The following ADAM29 variants were observed in gnomAD, a reference collection of about 807,000 sequenced individuals.
The protein encoded by ADAM29 is disintegrin and metalloproteinase domain-containing protein 29.
For synonymous variants in ADAM29, 367 were observed against 342.3 expected (o/e 1.07, Z -0.80); for missense variants, 969 against 1,001.8 (o/e 0.97, Z 0.44).
In ADAM29 at chr4:174,975,973, T is replaced by C; in HGVS notation, c.448T>C (p.Tyr150His). ...TTCTACCACGTTTGAACATCTGGTA[T>C]ACAAGATGGACAGTGAGGAGAAACA... ...AFSTTFEHLV[Y>H]KMDSEEKQFS... is the part of the protein sequence containing the mutation. The change falls in exon 5 of 5, where the codon TAC becomes CAC. Residue 150 changes from tyrosine (Y) to histidine (H), a missense_variant. By Grantham distance (83) the Tyr-to-His change is moderately conservative. Transcript: ENST00000359240. 1.2e-6 allele frequency: 2 copies of C among 1,614,158 alleles called. No individual in the cohort carries two copies. The highest frequency in any genetic ancestry group is 2.2e-5 in the South Asian group (2 of 91,070).
intron 4 of ADAM29, among the ~76,000 whole-genome samples, chr4:174,940,662 AG>A (rs1370499585): frequency 1.3e-5 from 2 of 152,154 alleles, no homozygotes; most frequent in African/African-American, 4.8e-5. Flanking sequence ...GTATTCTAGA[AG>A]CACTTAATAG....
chr4:174,975,802 C>A lies in ADAM29; in HGVS notation c.277C>A (p.Gln93Lys). 2 of 1,614,142 alleles carry A rather than the reference C, an allele frequency of 1.2e-6. No individual in the cohort carries two copies. The highest frequency in any genetic ancestry group is 1.7e-6 in the Non-Finnish European group (2 of 1,180,022). Residue 93 changes from glutamine (Q) to lysine (K), a missense_variant, in exon 5 of 5, where the codon CAG becomes AAG. Coordinates refer to ENST00000359240, the MANE Select transcript of ADAM29 (RefSeq NM_014269.4). ...AGACCAGGGTGCTATCCTTGAGGAC[C>A]AGCCATTTGTCCAGAATAACTGCTA... ...YTDQGAILED[Q>K]PFVQNNCYYH... is the part of the protein sequence containing the mutation.
chr4:174,969,264 A>G (rs1159952181), intron 4 of ADAM29, among the ~76,000 whole-genome samples: 2 of 151,556 alleles, frequency 1.3e-5, no homozygotes, highest in Admixed American at 6.6e-5. Flanking sequence ...CTTCATCACC[A>G]TCATCATTGT....
intron 4 of ADAM29, among the ~76,000 whole-genome samples, chr4:174,955,383 C>T (rs1396670290): frequency 4.6e-5 from 7 of 151,960 alleles, no homozygotes; most frequent in African/African-American, 1.7e-4. Flanking sequence ...CCACTAGACT[C>T]TTTTAATATT....
chr4:174,961,292 T>G (rs1194807557), intron 4 of ADAM29, among the ~76,000 whole-genome samples: 1 of 151,372 alleles, frequency 6.6e-6, no homozygotes, highest in Non-Finnish European at 1.5e-5. Flanking sequence ...TTATGATATA[T>G]TTATCTATAA....
At chr4:174,927,327 GT>G (rs548646818) in intron 2 of ADAM29, among the ~76,000 whole-genome samples, 5 of 151,346 alleles carry the variant, frequency 3.3e-5, no homozygotes, top group African/African-American at 7.3e-5. Context: ...TAGTAATTGT[GT>G]TTTTTTTTAA....
chr4:174,968,406 C>A (rs2111090347), intron 4 of ADAM29, among the ~76,000 whole-genome samples: 1 of 152,302 alleles, frequency 6.6e-6, no homozygotes, highest in African/African-American at 2.4e-5. Flanking sequence ...ACTGCCCATG[C>A]CAACTGTGGA....
chr4:174,945,711 G>A (rs1401815431), intron 4 of ADAM29, among the ~76,000 whole-genome samples: 1 of 152,096 alleles, frequency 6.6e-6, no homozygotes, highest in African/African-American at 2.4e-5. Context: ...TTATGCATGT[G>A]ACTAGCCAGA....
At chr4:174,942,166 T>C (rs1028925661) in intron 4 of ADAM29, among the ~76,000 whole-genome samples, 1 of 152,222 alleles carries the variant, frequency 6.6e-6, no homozygotes, top group Non-Finnish European at 1.5e-5. Context: ...ACGGCTTTCA[T>C]GAGCTGGCAT....
chr4:174,975,566 T>C lies in ADAM29; in HGVS notation c.41T>C (p.Leu14Pro). The change falls in exon 5 of 5, where the codon CTG (leucine) becomes CCG (proline). Residue 14 changes from leucine to proline, a missense_variant. Coordinates refer to ENST00000359240, the MANE Select transcript of ADAM29 (RefSeq NM_014269.4). ...LLLLHCLGVF[L>P]SCSGHIQDEH... The stretch of plus-strand genomic sequence containing the variant: ...CTGCTGCATTGCCTTGGGGTGTTTC[T>C]GTCCTGTTCTGGACACATCCAGGAT... 1 of 1,541,272 alleles carries C rather than the reference T, an allele frequency of 6.5e-7. No individual in the cohort carries two copies. Among genetic ancestry groups the C allele is most frequent in the Non-Finnish European group, 8.7e-7 (1 of 1,146,362 alleles).
chr4:174,965,262 G>A (rs1746081075), intron 4 of ADAM29, among the ~76,000 whole-genome samples: 1 of 151,886 alleles, frequency 6.6e-6, no homozygotes, highest in African/African-American at 2.4e-5. Flanking sequence ...GAGAAACCAA[G>A]GAAGCCAGAC....
chr4:174,930,067 T>C (rs567902529), intron 2 of ADAM29, among the ~76,000 whole-genome samples: 71 of 152,272 alleles, frequency 4.7e-4, no homozygotes, highest in Non-Finnish European at 7.6e-4. Context: ...TAGCTGGGAC[T>C]ACAGGCGCCT....
chr4:174,943,876 A>G (rs1744690291), intron 4 of ADAM29, among the ~76,000 whole-genome samples: 2 of 152,072 alleles, frequency 1.3e-5, no homozygotes, highest in South Asian at 2.1e-4. Flanking sequence ...TTATAATAAT[A>G]CACACTCATT....
intron 4 of ADAM29, among the ~76,000 whole-genome samples, chr4:174,939,168 G>A (rs1475833027): frequency 2.0e-5 from 3 of 152,130 alleles, no homozygotes; most frequent in Non-Finnish European, 4.4e-5. Context: ...CCTGGGGTTA[G>A]GACATGGGAC....
At chr4:174,971,630 C>T (rs1746483309) in intron 4 of ADAM29, among the ~76,000 whole-genome samples, 1 of 152,118 alleles carries the variant, frequency 6.6e-6, no homozygotes, top group Non-Finnish European at 1.5e-5. Context: ...TCTCAAAATA[C>T]ACTTTGTTTT....
At chr4:174,966,626 G>A (rs904646570) in intron 4 of ADAM29, among the ~76,000 whole-genome samples, 4 of 152,172 alleles carry the variant, frequency 2.6e-5, no homozygotes, top group African/African-American at 9.7e-5. Flanking sequence ...TGTCTGGTTT[G>A]ATGCTCTGCC....
At chr4:174,945,070 T>A (rs574109770) in intron 4 of ADAM29, among the ~76,000 whole-genome samples, 1 of 152,176 alleles carries the variant, frequency 6.6e-6, no homozygotes, top group African/African-American at 2.4e-5. Flanking sequence ...GTGGTAGTTT[T>A]GCAAAACTGC....
intron 2 of ADAM29, chr4:174,924,037 T>C (rs1161994445): frequency 1.3e-5 from 2 of 152,176 alleles, no homozygotes; most frequent in Non-Finnish European, 2.9e-5. Context: ...ATTTTCAGGA[T>C]AGAAGACACT....
At position 174,975,594 on chromosome 4, in the gene ADAM29, G is replaced by A. The variant is rs750920429; in HGVS notation, c.69G>A (p.Glu23=). Residue 23 remains glutamate, a synonymous_variant, in exon 5 of 5, where the codon GAG becomes GAA. Transcript: ENST00000359240. ...CCTGTTCTGGACACATCCAGGATGA[G>A]CACCCCCAATATCACAGCCCTCCGG... is the stretch of plus-strand genomic sequence containing the variant. ...FLSCSGHIQD[E]HPQYHSPPDV... is the part of the protein sequence containing the mutation. 5 of 1,597,180 alleles carry A rather than the reference G, an allele frequency of 3.1e-6. No individual in the cohort carries two copies. In the South Asian group the frequency reaches 5.7e-5, roughly 18 times the overall value.
Sources: gnomAD v4.1 joint callset for allele counts (sites outside exome capture counted in the v4.1 genomes callset) on GRCh38, gnomAD v4.1.1 for gene constraint, MANE v1.5 for transcripts, NCBI Gene and HGNC (gene_info 2026-07-23, HGNC 2026-07-21) for gene names.